The following TFPI variants were observed in gnomAD, a reference collection of about 807,000 sequenced individuals.
TFPI encodes the protein anti-convertin.
In TFPI, 15 loss-of-function variants were observed where a neutral mutation model predicts 34.6. The observed-to-expected ratio is 0.43, with a 90% confidence interval of 0.29 to 0.67. The LOEUF is 0.67. TFPI is among the 30% of genes least tolerant of loss of function. The pLI, the probability that TFPI is intolerant of heterozygous loss-of-function variation, is 0.15. For missense variants in TFPI, 301 were observed against 364.0 expected, an observed-to-expected ratio of 0.83 and a Z score of 1.41; for synonymous variants, 105 against 120.1, an observed-to-expected ratio of 0.87 and a Z score of 0.82.
chr2:187,532,400 G>A (rs1383811593), intron 1 of TFPI, among the ~76,000 whole-genome samples: 1 of 152,242 alleles, frequency 6.6e-6, no homozygotes, highest in African/African-American at 2.4e-5. Flanking sequence ...CATTGGGACT[G>A]GTTAGACATT....
At chr2:187,494,603 C>T (rs146110845) in intron 3 of TFPI, among the ~76,000 whole-genome samples, 224 of 152,232 alleles carry the variant, frequency 1.5e-3, no homozygotes, top group African/African-American at 5.2e-3. Flanking sequence ...TCATGGCTGC[C>T]GATTAAATTC....
At chr2:187,544,104 C>T (rs1168288933) in intron 1 of TFPI, among the ~76,000 whole-genome samples, 1 of 152,156 alleles carries the variant, frequency 6.6e-6, no homozygotes, top group Non-Finnish European at 1.5e-5. Flanking sequence ...GGTTTCCTAT[C>T]AGCAGCCAAA....
At chr2:187,478,444 A>C (rs906329345) in intron 6 of TFPI, 30 of 410,072 alleles carry the variant, frequency 7.3e-5, no homozygotes, top group Non-Finnish European at 1.1e-4. Flanking sequence ...TATAAAAATC[A>C]GGAAAAAAAT....
At chr2:187,482,269 G>A (rs1574391214) in intron 6 of TFPI, among the ~76,000 whole-genome samples, 1 of 152,018 alleles carries the variant, frequency 6.6e-6, no homozygotes, top group Non-Finnish European at 1.5e-5. Flanking sequence ...TGTGTCACAT[G>A]TATATTTAAA....
Position 187,484,230 on chromosome 2 carries a change from C to T in TFPI, c.536-14G>A. 6.2e-7 allele frequency: 1 copy of T among 1,605,766 alleles called. No individual in the cohort carries two copies. Among genetic ancestry groups the T allele is most frequent in the Non-Finnish European group, 8.5e-7 (1 of 1,173,966 alleles). On this transcript the variant is annotated splice_polypyrimidine_tract_variant and intron_variant, in intron 5 of 7. Coordinates refer to ENST00000233156, the MANE Select transcript of TFPI (RefSeq NM_006287.6). The stretch of plus-strand genomic sequence containing the variant: ...GGAAACCATTCGCTGGAAAAAAATA[C>T]AGCCAATTAAAATAGATAAACATTG...
chr2:187,480,750 C>T lies in TFPI; in HGVS notation c.628+3374G>A, dbSNP rs536014331. Among the ~76,000 whole-genome samples, 87 of 152,184 alleles carry T rather than the reference C, an allele frequency of 5.7e-4. 3 individuals carry two copies. The highest frequency in any genetic ancestry group is 2.3e-3 in the South Asian group (11 of 4,828). ...CAATCAAACTGAAATAATGCACTCA[C>T]GCTCAGGGATATGCTTACAAATCAT... On this transcript the variant is annotated intron_variant, in intron 6 of 7. Transcript: ENST00000233156.
intron 3 of TFPI, among the ~76,000 whole-genome samples, chr2:187,494,910 A>T (rs977555533): frequency 6.6e-6 from 1 of 152,034 alleles, no homozygotes; most frequent in African/African-American, 2.4e-5. Context: ...TTTAGTAGGG[A>T]CGGAGTTTCA....
intron 6 of TFPI, among the ~76,000 whole-genome samples, chr2:187,468,864 A>G (rs982922195): frequency 1.3e-5 from 2 of 152,080 alleles, no homozygotes; most frequent in Non-Finnish European, 2.9e-5. Context: ...GAATCAATAC[A>G]AGAAAACTTT....
At chr2:187,514,425 A>G (rs1373729900) in intron 1 of TFPI, 1 of 152,160 alleles carries the variant, frequency 6.6e-6, no homozygotes, top group Admixed American at 6.5e-5. Flanking sequence ...TCTTTCTGCT[A>G]TATCCGGAAG....
chr2:187,496,248 CAT>C (rs1685469663), intron 3 of TFPI, among the ~76,000 whole-genome samples: 1 of 151,938 alleles, frequency 6.6e-6, no homozygotes, highest in Admixed American at 6.6e-5. Context: ...TCTTAAATTT[CAT>C]ATATAGTTCT....
chr2:187,482,528 C>T (rs1467913770), intron 6 of TFPI, among the ~76,000 whole-genome samples: 1 of 151,970 alleles, frequency 6.6e-6, no homozygotes, highest in African/African-American at 2.4e-5. Context: ...ACTGCTCTAC[C>T]TATTGAATGT....
At chr2:187,524,078 A>G (rs917596539) in intron 1 of TFPI, among the ~76,000 whole-genome samples, 3 of 152,098 alleles carry the variant, frequency 2.0e-5, no homozygotes, top group Non-Finnish European at 4.4e-5. Flanking sequence ...TGTAGCATAT[A>G]TGATTGCTTT....
At chr2:187,520,650 A>C (rs2106207806) in intron 1 of TFPI, 1 of 152,202 alleles carries the variant, frequency 6.6e-6, no homozygotes, top group Non-Finnish European at 1.5e-5. Context: ...TATAGCCAGC[A>C]CTTTAAAAGA....
chr2:187,553,716 T>C (rs554607987), intron 1 of TFPI, among the ~76,000 whole-genome samples: 1 of 152,138 alleles, frequency 6.6e-6, no homozygotes, highest in Non-Finnish European at 1.5e-5. Context: ...AATATTCCAT[T>C]TAGATTACGA....
At chr2:187,539,899 C>CTTTTT (rs527567767) in intron 1 of TFPI, among the ~76,000 whole-genome samples, 1 of 137,902 alleles carries the variant, frequency 7.3e-6, no homozygotes, top group African/African-American at 2.6e-5. Flanking sequence ...ACGTCATCTT[C>CTTTTT]TTTTTTTTTT....
intron 6 of TFPI, among the ~76,000 whole-genome samples, chr2:187,471,683 CATG>C (rs1385084507): frequency 6.6e-6 from 1 of 151,408 alleles, no homozygotes; most frequent in Non-Finnish European, 1.5e-5. Flanking sequence ...CAGGAACTAT[CATG>C]ATCTAGTGTG....
At chr2:187,523,443 C>T (rs1687514150) in intron 1 of TFPI, among the ~76,000 whole-genome samples, 1 of 152,034 alleles carries the variant, frequency 6.6e-6, no homozygotes, top group Non-Finnish European at 1.5e-5. Flanking sequence ...TTATAGGCTC[C>T]ACTTATTTTC....
intron 6 of TFPI, among the ~76,000 whole-genome samples, chr2:187,472,305 G>A (rs1322134916): frequency 6.6e-6 from 1 of 152,094 alleles, no homozygotes; most frequent in Admixed American, 6.6e-5. Context: ...TGGACATATG[G>A]ATTATTATAA....
intron 2 of TFPI, chr2:187,499,530 T>C (rs1685710145): frequency 6.6e-6 from 1 of 151,760 alleles, no homozygotes; most frequent in Non-Finnish European, 1.5e-5. Context: ...AAGCTGACAT[T>C]TTGAGTTTTT....
Sources: allele counts gnomAD v4.1 joint callset (sites outside exome capture counted in the v4.1 genomes callset), GRCh38; gene constraint gnomAD v4.1.1; transcripts MANE v1.5; gene names NCBI Gene and HGNC (gene_info 2026-07-23, HGNC 2026-07-21).